Variants in LRBA observed in about 807,000 individuals in gnomAD.
LRBA encodes the protein LPS responsive beige-like anchor protein, also known as lipopolysaccharide-responsive and beige-like anchor protein.
Under a neutral mutation model 330.0 loss-of-function variants are expected in LRBA, and 176 were observed. The ratio of observed to expected loss-of-function variants is 0.53; its 90% CI spans 0.47 to 0.60. LRBA has a LOEUF of 0.60. Among genes scored for constraint, LRBA ranks in the 20% least tolerant of loss-of-function variants. LRBA has a pLI of 0.00. For synonymous variants in LRBA, 1,230 were observed against 1,193.0 expected (o/e 1.03, Z -0.64); for missense variants, 3,259 against 3,444.8 (o/e 0.95, Z 1.35).
chr4:150,520,606 A>G lies in LRBA; in HGVS notation c.6331-29571T>C, dbSNP rs981061678. Among the ~76,000 whole-genome samples the G allele has an allele frequency of 3.3e-5, 5 of 152,364 alleles. No homozygotes were observed. The South Asian group carries it at 1.0e-3, about 32-fold the overall frequency. On this transcript the variant is annotated intron_variant, in intron 40 of 56. Transcript: ENST00000651943. ...ATACACCATGGAATACTATGCAGCCATAAGAAGAATGAGATCATATTCTTT... is the reference window on the plus strand; with the variant it reads ...ATACACCATGGAATACTATGCAGCCGTAAGAAGAATGAGATCATATTCTTT...
Position 150,916,408 on chromosome 4 carries a change from G to A in LRBA, c.887C>T (p.Pro296Leu), listed in dbSNP as rs778725151. 1.2e-6 allele frequency: 2 copies of A among 1,612,740 alleles called. No individual in the cohort carries two copies. Among genetic ancestry groups the A allele is most frequent in the East Asian group, 2.2e-5 (1 of 44,734 alleles). Residue 296 changes from proline to leucine, a missense_variant, in exon 7 of 57, where the codon CCA becomes CTA. Coordinates refer to ENST00000651943, the MANE Select transcript of LRBA (RefSeq NM_001364905.1). ...FQHCVKFDFK[P>L]QKWYMVTIVH... ...CTCAAGAAGATCATGTACCTTTTGT[G>A]GCTTGAAATCAAATTTCACACAGTG...
intron 23 of LRBA, 126 bp from the exon 24 acceptor site, chr4:150,851,028 A>T: frequency 1.7e-6 from 1 of 596,448 alleles, no homozygotes; most frequent in South Asian, 2.6e-5. Flanking sequence ...TAAGAACCAA[A>T]TTAGAGAAAG....
chr4:150,473,485 G>A (rs560088325), intron 42 of LRBA, among the ~76,000 whole-genome samples: 32 of 152,284 alleles, frequency 2.1e-4, no homozygotes, highest in Admixed American at 3.9e-4. Flanking sequence ...AATGCGGACT[G>A]CTCTCTCCAG....
At chr4:150,885,395 C>T (rs1259177185) in intron 17 of LRBA, among the ~76,000 whole-genome samples, 1 of 152,002 alleles carries the variant, frequency 6.6e-6, no homozygotes, top group Non-Finnish European at 1.5e-5. Context: ...CTGAGATGGG[C>T]GGGTAATTTG....
rs1731938313 is a variant in LRBA, at chr4:150,792,127, T to A, written c.5580+5954A>T. Reference sequence around the variant, plus strand: ...CTATTTTTTGGTTGGCAAAAAATAATCCTTTATTTCATTACCTCAATTATT... The same window carrying A: ...CTATTTTTTGGTTGGCAAAAAATAAACCTTTATTTCATTACCTCAATTATT... On this transcript the variant is annotated intron_variant, in intron 34 of 56. Coordinates refer to ENST00000651943, the MANE Select transcript of LRBA (RefSeq NM_001364905.1). Among the ~76,000 whole-genome samples the A allele has an allele frequency of 2.0e-5, 3 of 148,872 alleles. No individual in the cohort carries two copies. The South Asian group carries it at 6.3e-4, about 31-fold the overall frequency.
intron 47 of LRBA, among the ~76,000 whole-genome samples, chr4:150,381,160 T>A (rs1405454479): frequency 6.6e-6 from 1 of 152,146 alleles, no homozygotes; most frequent in African/African-American, 2.4e-5. Flanking sequence ...CTTCATACAA[T>A]TTTTGAATTA....
chr4:150,281,622 A>G (rs943062553), intron 55 of LRBA, among the ~76,000 whole-genome samples: 1 of 152,074 alleles, frequency 6.6e-6, no homozygotes, highest in Non-Finnish European at 1.5e-5. Flanking sequence ...AGCCCCTGTG[A>G]CCCTACTCCT....
chr4:150,921,408 G>T, intron 4 of LRBA, 115 bp from the exon 5 acceptor site: 2 of 652,660 alleles, frequency 3.1e-6, no homozygotes, highest in South Asian at 3.9e-5. Flanking sequence ...AAGGTTAAAA[G>T]CATAGAAAAT....
intron 48 of LRBA, among the ~76,000 whole-genome samples, chr4:150,346,416 CAA>C (rs1201228121): frequency 6.6e-6 from 1 of 151,946 alleles, no homozygotes; most frequent in Non-Finnish European, 1.5e-5. Flanking sequence ...AAACTTAAAG[CAA>C]AAGTTTTAAC....
intron 37 of LRBA, among the ~76,000 whole-genome samples, chr4:150,678,479 T>C (rs930426373): frequency 6.6e-6 from 1 of 152,116 alleles, no homozygotes; most frequent in Non-Finnish European, 1.5e-5. Flanking sequence ...GTGAGTCTCA[T>C]TATGTATCTG....
chr4:150,556,594 G>T (rs1767347092), intron 40 of LRBA, among the ~76,000 whole-genome samples: 1 of 152,106 alleles, frequency 6.6e-6, no homozygotes, highest in Non-Finnish European at 1.5e-5. Flanking sequence ...TTACTTAAAA[G>T]CTCATTGATT....
chr4:150,460,892 A>G (rs1283259238), intron 44 of LRBA, among the ~76,000 whole-genome samples: 1 of 151,840 alleles, frequency 6.6e-6, no homozygotes, highest in East Asian at 1.9e-4. Context: ...TCTTCAGCTT[A>G]TTCTTTTACT....
intron 2 of LRBA, among the ~76,000 whole-genome samples, chr4:150,943,314 T>C (rs1240621223): frequency 6.6e-6 from 1 of 152,190 alleles, no homozygotes; most frequent in South Asian, 2.1e-4. Flanking sequence ...AGAGATAGGG[T>C]CTCACTATGT....
intron 2 of LRBA, among the ~76,000 whole-genome samples, chr4:150,987,112 T>G (rs1052069630): frequency 2.6e-5 from 4 of 152,206 alleles, no homozygotes; most frequent in Non-Finnish European, 5.9e-5. Flanking sequence ...AAGAAGGGTT[T>G]TCCTCATCTA....
intron 44 of LRBA, among the ~76,000 whole-genome samples, chr4:150,444,174 C>T (rs1752283619): frequency 6.6e-6 from 1 of 151,608 alleles, no homozygotes; most frequent in South Asian, 2.1e-4. Flanking sequence ...AAAATGTGAA[C>T]AAAAAAGGTA....
At position 150,583,158 on chromosome 4, in the gene LRBA, G is replaced by A. The variant is rs763074022; in HGVS notation, c.6330+4890C>T. ...GTAAGGTGGTCTCGGACGTGCTCAAGGAAGTGGAGGTGCAGGAGCCTCGCT... is the reference window on the plus strand; with the variant it reads ...GTAAGGTGGTCTCGGACGTGCTCAAAGAAGTGGAGGTGCAGGAGCCTCGCT... On this transcript the variant is annotated intron_variant, in intron 40 of 56. Coordinates refer to ENST00000651943, the MANE Select transcript of LRBA (RefSeq NM_001364905.1). This position sits in a 1 kb window ranked among gnomAD's most constrained non-coding sequence, Gnocchi z 9.8. 3 of 1,614,216 alleles carry A rather than the reference G, an allele frequency of 1.9e-6. No individual in the cohort carries two copies. Among genetic ancestry groups the A allele is most frequent in the Non-Finnish European group, 1.7e-6 (2 of 1,180,018 alleles).
chr4:150,767,134 C>A (rs1440571738), intron 34 of LRBA, among the ~76,000 whole-genome samples: 2 of 151,924 alleles, frequency 1.3e-5, no homozygotes, highest in African/African-American at 2.4e-5. Flanking sequence ...TCTATTCCTG[C>A]CTATCCTCAA....
intron 49 of LRBA, among the ~76,000 whole-genome samples, chr4:150,324,248 G>A (rs1219599063): frequency 6.6e-6 from 1 of 152,188 alleles, no homozygotes; most frequent in African/African-American, 2.4e-5. Context: ...CCATTTGCCA[G>A]CACCAATGCA....
At chr4:150,830,202 T>C (rs1195894748) in intron 29 of LRBA, among the ~76,000 whole-genome samples, 2 of 152,176 alleles carry the variant, frequency 1.3e-5, no homozygotes, top group Non-Finnish European at 1.5e-5. Context: ...GGACTAGGCT[T>C]GACTGACAAT....
Sources: allele counts gnomAD v4.1 joint callset (sites outside exome capture counted in the v4.1 genomes callset), GRCh38; gene constraint gnomAD v4.1.1; non-coding constraint Gnocchi (gnomAD v3.1); transcripts MANE v1.5; gene names NCBI Gene and HGNC (gene_info 2026-07-23, HGNC 2026-07-21).